Variants in PIR observed in about 807,000 individuals in gnomAD.
PIR encodes pirin (iron-binding nuclear protein).
A neutral mutation model predicts 24.2 loss-of-function variants in PIR; 22 were observed. That is an observed-to-expected ratio of 0.91 (90% confidence interval 0.65 to 1.30). The LOEUF (loss-of-function observed/expected upper bound fraction) is 1.30. Ranked by LOEUF, PIR falls within the 50% of genes most tolerant of loss-of-function variation. PIR has a pLI of 0.00. For missense variants in PIR, 220 were observed against 220.3 expected, an observed-to-expected ratio of 1.00 and a Z score of 0.01; for synonymous variants, 80 against 79.6, an observed-to-expected ratio of 1.00 and a Z score of -0.03.
intron 6 of PIR, among the ~76,000 whole-genome samples, chrX:15,409,201 C>T (rs1924650563): frequency 9.4e-6 from 1 of 106,489 alleles, no homozygotes; most frequent in Admixed American, 1.0e-4. Context: ...CGGGTTCACA[C>T]CATTCTCCCG....
chrX:15,410,846 A>G (rs1924721321), intron 6 of PIR, among the ~76,000 whole-genome samples: 1 of 112,434 alleles, frequency 8.9e-6, no homozygotes, highest in African/African-American at 3.2e-5. Context: ...TCTTTTTAGC[A>G]TGATGCCCAT....
intron 5 of PIR, among the ~76,000 whole-genome samples, chrX:15,432,754 T>C (rs1023210931): frequency 1.8e-5 from 2 of 112,018 alleles, no homozygotes; most frequent in Non-Finnish European, 3.8e-5. Flanking sequence ...AGCTACTATA[T>C]AAAGAACTGG....
chrX:15,441,944 T>C (rs1395424935), intron 5 of PIR, among the ~76,000 whole-genome samples: 1 of 111,511 alleles, frequency 9.0e-6, no homozygotes, highest in African/African-American at 3.3e-5. Flanking sequence ...AAGATGATAT[T>C]TGGATCCCTA....
intron 3 of PIR, among the ~76,000 whole-genome samples, chrX:15,478,870 A>G (rs1922349499): frequency 8.9e-6 from 1 of 111,817 alleles, no homozygotes. Flanking sequence ...CCAGCCTTCA[A>G]TAAATATTTA....
At chrX:15,444,124 C>G (rs747143039) in intron 5 of PIR, among the ~76,000 whole-genome samples, 4 of 111,856 alleles carry the variant, frequency 3.6e-5, no homozygotes, top group Non-Finnish European at 7.5e-5. Flanking sequence ...TTACACGCTA[C>G]AGAGAAATAT....
At chrX:15,419,308 A>T (rs189106742) in intron 6 of PIR, among the ~76,000 whole-genome samples, 1 of 105,708 alleles carries the variant, frequency 9.5e-6, no homozygotes, top group Non-Finnish European at 1.9e-5. Flanking sequence ...CAAACTTTGT[A>T]TTTGTCACCT....
intron 5 of PIR, among the ~76,000 whole-genome samples, chrX:15,444,236 A>T (rs1053897151): frequency 9.8e-5 from 11 of 112,437 alleles, no homozygotes; most frequent in Middle Eastern, 4.6e-3. Flanking sequence ...CACTCTAATC[A>T]GTCAGCACCC....
rs184361053 is a variant in PIR, at chrX:15,473,352, T to G, written c.189+6377A>C. On this transcript the variant is annotated intron_variant, in intron 3 of 9. Transcript: ENST00000380420. Reference sequence around the variant, plus strand: ...CCCCCCCATAGCAAAGAATTATGCATCCAAAAAGTCACTAGTTGTGGAGGT... The same window carrying G: ...CCCCCCCATAGCAAAGAATTATGCAGCCAAAAAGTCACTAGTTGTGGAGGT... 2.0e-3 allele frequency among the ~76,000 whole-genome samples: 219 copies of G among 111,398 alleles called. 1 individual carries two copies. Among genetic ancestry groups the G allele is most frequent in the African/African-American group, 6.9e-3 (211 of 30,637 alleles).
intron 5 of PIR, among the ~76,000 whole-genome samples, chrX:15,437,759 C>T (rs141226340): frequency 0.02 from 2,265 of 112,416 alleles, 60 homozygotes; most frequent in African/African-American, 0.069. Flanking sequence ...TGCTAATGTC[C>T]TTCAGAACTC....
chrX:15,408,684 A>G (rs977881727), intron 6 of PIR, among the ~76,000 whole-genome samples: 3 of 111,809 alleles, frequency 2.7e-5, no homozygotes, highest in African/African-American at 9.8e-5. Flanking sequence ...ATATCCCTCC[A>G]TGTGCCTTCA....
intron 5 of PIR, among the ~76,000 whole-genome samples, chrX:15,439,937 G>A (rs1925860753): frequency 9.0e-6 from 1 of 111,662 alleles, no homozygotes; most frequent in African/African-American, 3.3e-5. Flanking sequence ...AGCCACACAG[G>A]AGGTCACCTA....
At chrX:15,435,239 A>AAGAAAGAAAGAAAGAAAAG (rs764841546) in intron 5 of PIR, among the ~76,000 whole-genome samples, 1 of 98,543 alleles carries the variant, frequency 1.0e-5, no homozygotes, top group African/African-American at 3.5e-5. Flanking sequence ...AAAAGAAAAG[A>AAGAAAGAAAGAAAGAAAAG]AGAAAGAAAG....
rs5980156 is a variant in PIR at position 15,433,546 on chromosome X, G to A, written c.481-7556C>T. On this transcript the variant is annotated intron_variant, in intron 5 of 9. Transcript: ENST00000380420. Reference sequence around the variant, plus strand: ...AAAGAAAGAAAGAAAGAAAGAAAGAGAGAGAAAGAAAGAAAGAGAGAGAAA... The same window carrying A: ...AAAGAAAGAAAGAAAGAAAGAAAGAAAGAGAAAGAAAGAAAGAGAGAGAAA... 2.1e-4 allele frequency among the ~76,000 whole-genome samples: 13 copies of A among 62,927 alleles called. 1 individual carries two copies. The highest frequency in any genetic ancestry group is 3.6e-4 in the African/African-American group (5 of 14,077). 54.6% of individuals were successfully genotyped at this position (62,927 alleles called of 115,157 possible).
At chrX:15,477,293 A>T (rs750010145) in intron 3 of PIR, among the ~76,000 whole-genome samples, 4 of 111,402 alleles carry the variant, frequency 3.6e-5, no homozygotes, top group African/African-American at 6.5e-5. Context: ...GATACAGTTG[A>T]TTCTCATCAT....
chrX:15,487,381 T>A (rs1037567904), intron 2 of PIR, among the ~76,000 whole-genome samples: 1 of 111,628 alleles, frequency 9.0e-6, no homozygotes, highest in African/African-American at 3.3e-5. Flanking sequence ...TTGAAATATT[T>A]ATAAGTGAAA....
At chrX:15,454,483 A>C (rs1431440348) in intron 5 of PIR, among the ~76,000 whole-genome samples, 9 of 109,702 alleles carry the variant, frequency 8.2e-5, no homozygotes, top group African/African-American at 3.0e-4. Context: ...TAAAAAAAAA[A>C]AAAACAAAAA....
At chrX:15,433,515 A>G (rs868317771) in intron 5 of PIR, among the ~76,000 whole-genome samples, 3 of 22,273 alleles carry the variant, frequency 1.3e-4, no homozygotes, top group Admixed American at 4.7e-4. Flanking sequence ...GGAGGAGGAA[A>G]GAAAGAAAGA....
intron 3 of PIR, among the ~76,000 whole-genome samples, chrX:15,463,428 T>C (rs981839930): frequency 3.6e-5 from 4 of 112,181 alleles, no homozygotes; most frequent in African/African-American, 9.7e-5. Context: ...TAATAAACTC[T>C]CCTCTTCCTG....
chrX:15,398,336 A>T (rs1602244009), intron 7 of PIR, among the ~76,000 whole-genome samples: 1 of 112,071 alleles, frequency 8.9e-6, no homozygotes, highest in South Asian at 3.7e-4. Context: ...AAAATAATAC[A>T]AATGAAAGTG....
Sources: gnomAD v4.1 joint callset for allele counts (sites outside exome capture counted in the v4.1 genomes callset) on GRCh38, gnomAD v4.1.1 for gene constraint, MANE v1.5 for transcripts, NCBI Gene and HGNC (gene_info 2026-07-23, HGNC 2026-07-21) for gene names.